CNTNAP2: variants seen among roughly 807,000 people sequenced by gnomAD.
CNTNAP2 encodes contactin-associated protein-like 2.
CNTNAP2 carries 98 observed loss-of-function variants against 155.2 expected under a neutral mutation model. That is an observed-to-expected ratio of 0.63 (90% CI 0.54 to 0.75). The LOEUF (loss-of-function observed/expected upper bound fraction) is 0.75. CNTNAP2 is among the 30% of genes least tolerant of loss of function. The pLI, the probability that CNTNAP2 is intolerant of heterozygous loss-of-function variation, is 0.00. For missense variants in CNTNAP2, 1,727 were observed against 1,688.1 expected (o/e 1.02, Z -0.40); for synonymous variants, 651 against 631.2 (o/e 1.03, Z -0.47).
chr7:146,493,436 A>G (rs1483370495), intron 1 of CNTNAP2, among the ~76,000 whole-genome samples: 1 of 152,206 alleles, frequency 6.6e-6, no homozygotes, highest in Non-Finnish European at 1.5e-5. Flanking sequence ...AAAATTTGAT[A>G]GATTTTGAAA....
intron 15 of CNTNAP2, among the ~76,000 whole-genome samples, chr7:148,090,576 C>T (rs1075234): frequency 0.14 from 21,288 of 151,922 alleles, 1,601 homozygotes; most frequent in South Asian, 0.21. Context: ...TTAGAATGGC[C>T]ATTATCAAAA....
intron 11 of CNTNAP2, among the ~76,000 whole-genome samples, chr7:147,509,278 C>A (rs1798972803): frequency 6.6e-6 from 1 of 152,168 alleles, no homozygotes; most frequent in African/African-American, 2.4e-5. Flanking sequence ...ATAGAAAGAG[C>A]AATACAGAGT....
At chr7:148,027,702 C>T (rs1322709691) in intron 15 of CNTNAP2, among the ~76,000 whole-genome samples, 1 of 152,030 alleles carries the variant, frequency 6.6e-6, no homozygotes, top group Non-Finnish European at 1.5e-5. Context: ...TGATATAATC[C>T]TATGATTTTA....
At chr7:146,955,943 A>G (rs1334912724) in intron 3 of CNTNAP2, among the ~76,000 whole-genome samples, 2 of 152,080 alleles carry the variant, frequency 1.3e-5, no homozygotes, top group Non-Finnish European at 2.9e-5. Context: ...CGCATCTTGT[A>G]GAACACTGGC....
At chr7:146,473,755 T>TC (rs1210298709) in intron 1 of CNTNAP2, among the ~76,000 whole-genome samples, 1 of 152,118 alleles carries the variant, frequency 6.6e-6, no homozygotes, top group Non-Finnish European at 1.5e-5. Flanking sequence ...TGTATGTTTT[T>TC]CCCCCCATTT....
At chr7:146,788,135 T>C (rs1563231088) in intron 2 of CNTNAP2, among the ~76,000 whole-genome samples, 3 of 152,012 alleles carry the variant, frequency 2.0e-5, no homozygotes, top group African/African-American at 7.2e-5. Flanking sequence ...AGGGAGCTTG[T>C]CCCCCAAACA....
At chr7:146,176,772 G>T (rs867261455) in intron 1 of CNTNAP2, among the ~76,000 whole-genome samples, 30 of 152,122 alleles carry the variant, frequency 2.0e-4, no homozygotes, top group African/African-American at 6.0e-4. Flanking sequence ...AAGCAAATTT[G>T]CCATTGTGTG....
chr7:147,163,372 G>C (rs1169030745), intron 8 of CNTNAP2, among the ~76,000 whole-genome samples: 1 of 152,160 alleles, frequency 6.6e-6, no homozygotes. Context: ...TAACTTAAAA[G>C]ATGTGGCATA....
intron 21 of CNTNAP2, among the ~76,000 whole-genome samples, chr7:148,331,620 G>T (rs1335527272): frequency 2.4e-4 from 7 of 29,252 alleles, no homozygotes; most frequent in South Asian, 9.4e-4. Context: ...GACGGATGGA[G>T]TCGATGGATG....
At chr7:148,385,878 C>T (rs985432772) in intron 22 of CNTNAP2, among the ~76,000 whole-genome samples, 3 of 151,478 alleles carry the variant, frequency 2.0e-5, no homozygotes, top group African/African-American at 7.3e-5. Flanking sequence ...GCTGGGATTA[C>T]AGGCACCCGC....
rs34062629 is a variant in CNTNAP2, at chr7:146,984,367, C to CAA, written c.403-59521_403-59520dup. 2.5e-3 allele frequency among the ~76,000 whole-genome samples: 232 copies of CAA among 94,072 alleles called. 2 individuals carry two copies. The highest frequency in any genetic ancestry group is 8.3e-3 in the African/African-American group (207 of 24,922). The allele number at this position is 94,072 out of a possible 152,430, so 61.7% of individuals were successfully genotyped here. A position where few individuals can be genotyped will look rare whatever the true frequency, so the allele number is the denominator to read the frequency against. ...GGGCAACAAGAGCAAAACCCCATCTCAAAAAAAAAAAAAAAAAAAAGATTT... is the reference window on the plus strand; with the variant it reads ...GGGCAACAAGAGCAAAACCCCATCTCAAAAAAAAAAAAAAAAAAAAAAGATTT... On this transcript the variant is annotated intron_variant, in intron 3 of 23. Coordinates refer to ENST00000361727, the MANE Select transcript of CNTNAP2 (RefSeq NM_014141.6).
At chr7:146,756,140 CA>C (rs1425697104) in intron 1 of CNTNAP2, among the ~76,000 whole-genome samples, 1 of 151,720 alleles carries the variant, frequency 6.6e-6, no homozygotes, top group Admixed American at 6.6e-5. Flanking sequence ...TGAATGCCTG[CA>C]AAAAATAAGT....
chr7:147,646,809 A>G (rs1264337936), intron 13 of CNTNAP2, among the ~76,000 whole-genome samples: 1 of 152,230 alleles, frequency 6.6e-6, no homozygotes, highest in Non-Finnish European at 1.5e-5. Context: ...AGAAGAGGAC[A>G]AAGTACAATC....
intron 8 of CNTNAP2, among the ~76,000 whole-genome samples, chr7:147,164,501 C>A (rs1028293937): frequency 1.3e-5 from 2 of 152,104 alleles, no homozygotes; most frequent in Admixed American, 6.6e-5. Flanking sequence ...TGACACATAA[C>A]AATTGTACAT....
chr7:148,162,476 A>G (rs1290847397), intron 17 of CNTNAP2, among the ~76,000 whole-genome samples: 1 of 152,218 alleles, frequency 6.6e-6, no homozygotes. Context: ...GAGCTTAGGG[A>G]AAGTATCCAT....
intron 4 of CNTNAP2, among the ~76,000 whole-genome samples, chr7:147,101,214 C>A (rs1800645804): frequency 6.6e-6 from 1 of 152,170 alleles, no homozygotes; most frequent in African/African-American, 2.4e-5. Flanking sequence ...ATAGGCCACA[C>A]TGAAGAACCT....
At chr7:146,662,757 A>T (rs1362039496) in intron 1 of CNTNAP2, among the ~76,000 whole-genome samples, 1 of 151,946 alleles carries the variant, frequency 6.6e-6, no homozygotes, top group Non-Finnish European at 1.5e-5. Flanking sequence ...TAGGTCTATG[A>T]TTCATTTTAA....
intron 23 of CNTNAP2, 125 bp from the exon 24 acceptor site, chr7:148,415,292 T>G: frequency 1.0e-6 from 1 of 965,114 alleles, no homozygotes; most frequent in Non-Finnish European, 1.6e-6. Flanking sequence ...TTATCTTTGT[T>G]GTTTTGGAGG....
intron 13 of CNTNAP2, among the ~76,000 whole-genome samples, chr7:147,818,550 A>G (rs1330810522): frequency 6.6e-6 from 1 of 152,210 alleles, no homozygotes; most frequent in Non-Finnish European, 1.5e-5. Context: ...AAAAGGAAGC[A>G]CGTGGTCTGT....
Sources: allele counts gnomAD v4.1 joint callset (sites outside exome capture counted in the v4.1 genomes callset), GRCh38; gene constraint gnomAD v4.1.1; transcripts MANE v1.5; gene names NCBI Gene and HGNC (gene_info 2026-07-23, HGNC 2026-07-21).